Variants in KIAA1217 observed in about 807,000 individuals in gnomAD.
The protein encoded by KIAA1217 is sickle tail protein homolog.
Under a neutral mutation model 163.9 loss-of-function variants are expected in KIAA1217, and 88 were observed. The ratio of observed to expected loss-of-function variants is 0.54; its 90% CI spans 0.45 to 0.64. The LOEUF (loss-of-function observed/expected upper bound fraction) is 0.64. Among genes scored for constraint, KIAA1217 ranks in the 30% least tolerant of loss-of-function variants. The pLI, the probability that KIAA1217 is intolerant of heterozygous loss-of-function variation, is 0.00. For synonymous variants in KIAA1217, 903 were observed against 923.1 expected (o/e 0.98, Z 0.39); for missense variants, 2,372 against 2,475.0 (o/e 0.96, Z 0.88).
chr10:24,402,584 A>T (rs1440831918), intron 3 of KIAA1217, among the ~76,000 whole-genome samples: 1 of 152,074 alleles, frequency 6.6e-6, no homozygotes, highest in Non-Finnish European at 1.5e-5. Context: ...TGACAAAGAA[A>T]AATGAAGTGG....
At chr10:24,288,454 C>T (rs1449754463) in intron 2 of KIAA1217, among the ~76,000 whole-genome samples, 1 of 152,220 alleles carries the variant, frequency 6.6e-6, no homozygotes, top group Non-Finnish European at 1.5e-5. Flanking sequence ...TCAGCAAGCA[C>T]ATTTTACAGA....
chr10:24,035,604 C>T (rs751090044), intron 2 of KIAA1217, among the ~76,000 whole-genome samples: 2 of 152,158 alleles, frequency 1.3e-5, no homozygotes, highest in Non-Finnish European at 2.9e-5. Flanking sequence ...ATGATGGAAA[C>T]CCCAGTTAGA....
chr10:24,220,785 G>A (rs569029183), intron 2 of KIAA1217, among the ~76,000 whole-genome samples: 214 of 143,354 alleles, frequency 1.5e-3, no homozygotes, highest in African/African-American at 5.4e-3. Flanking sequence ...TTTGGAGATG[G>A]GTTATTGCTG....
chr10:23,985,600 A>T (rs1845938581), intron 1 of KIAA1217, among the ~76,000 whole-genome samples: 1 of 152,140 alleles, frequency 6.6e-6, no homozygotes, highest in African/African-American at 2.4e-5. Flanking sequence ...TAGTAGAAGC[A>T]CTACAGAGGC....
At chr10:23,819,510 T>C (rs1006649398) in intron 1 of KIAA1217, among the ~76,000 whole-genome samples, 3 of 152,142 alleles carry the variant, frequency 2.0e-5, no homozygotes, top group African/African-American at 7.2e-5. Flanking sequence ...TGGACTTCTT[T>C]AGGTGACAGA....
At chr10:23,701,142 G>C (rs551079814) in intron 1 of KIAA1217, among the ~76,000 whole-genome samples, 1 of 152,116 alleles carries the variant, frequency 6.6e-6, no homozygotes, top group Non-Finnish European at 1.5e-5. Context: ...TATTATTATG[G>C]TGTCATCTCA....
At chr10:23,790,371 A>ACATATG (rs1835780318) in intron 1 of KIAA1217, among the ~76,000 whole-genome samples, 1 of 72,196 alleles carries the variant, frequency 1.4e-5, no homozygotes, top group Non-Finnish European at 2.6e-5. Context: ...ATATACATAT[A>ACATATG]CATATGTATA....
intron 2 of KIAA1217, among the ~76,000 whole-genome samples, chr10:24,093,906 T>G (rs1377615647): frequency 6.7e-6 from 1 of 150,148 alleles, no homozygotes; most frequent in Non-Finnish European, 1.5e-5. Context: ...CGGTGTTTGG[T>G]TTTTTGTTCT....
intron 2 of KIAA1217, among the ~76,000 whole-genome samples, chr10:24,240,752 A>G (rs1357978727): frequency 6.6e-6 from 1 of 152,100 alleles, no homozygotes; most frequent in Non-Finnish European, 1.5e-5. Flanking sequence ...GATTGTTTTT[A>G]TTGACTGCTG....
chr10:24,509,701 A>G (rs2068839592), intron 9 of KIAA1217, among the ~76,000 whole-genome samples: 1 of 152,222 alleles, frequency 6.6e-6, no homozygotes, highest in Non-Finnish European at 1.5e-5. Flanking sequence ...AAGCCTTACC[A>G]ATAATATAAA....
At chr10:23,883,755 A>T (rs891378231) in intron 1 of KIAA1217, among the ~76,000 whole-genome samples, 1 of 151,836 alleles carries the variant, frequency 6.6e-6, no homozygotes, top group Non-Finnish European at 1.5e-5. Context: ...GCTACCCTAA[A>T]AATCCTTTGT....
chr10:24,493,171 C>T (rs541359333), intron 6 of KIAA1217, among the ~76,000 whole-genome samples: 28 of 152,290 alleles, frequency 1.8e-4, no homozygotes, highest in African/African-American at 4.8e-4. Context: ...TTTCCACTGA[C>T]AATCAGATAA....
At chr10:23,869,165 C>T (rs1187142950) in intron 1 of KIAA1217, among the ~76,000 whole-genome samples, 1 of 89,636 alleles carries the variant, frequency 1.1e-5, no homozygotes, top group Admixed American at 1.6e-4. Flanking sequence ...GCATAAGTAG[C>T]ATATATTTTG....
At chr10:24,150,675 A>T (rs1318642472) in intron 2 of KIAA1217, among the ~76,000 whole-genome samples, 1 of 152,214 alleles carries the variant, frequency 6.6e-6, no homozygotes, top group Non-Finnish European at 1.5e-5. Flanking sequence ...TATGCAGTAA[A>T]ATAGCCAAGG....
intron 2 of KIAA1217, among the ~76,000 whole-genome samples, chr10:24,201,858 G>T (rs2067272557): frequency 6.6e-6 from 1 of 152,202 alleles, no homozygotes; most frequent in African/African-American, 2.4e-5. Flanking sequence ...TCAGGGCAAA[G>T]CAGGGGCTAC....
At chr10:23,956,690 T>A (rs979197268) in intron 1 of KIAA1217, among the ~76,000 whole-genome samples, 1 of 152,122 alleles carries the variant, frequency 6.6e-6, no homozygotes, top group Non-Finnish European at 1.5e-5. Flanking sequence ...CAGCATCTGC[T>A]TCTGGCAAGG....
intron 2 of KIAA1217, among the ~76,000 whole-genome samples, chr10:24,311,728 GGA>G: frequency 6.6e-6 from 1 of 152,102 alleles, no homozygotes; most frequent in African/African-American, 2.4e-5. Flanking sequence ...GGGGCCTGTG[GGA>G]ACTTTTTGTC....
chr10:24,298,113 C>T (rs150237080), intron 2 of KIAA1217, among the ~76,000 whole-genome samples: 363 of 152,194 alleles, frequency 2.4e-3, no homozygotes, highest in African/African-American at 8.6e-3. Context: ...ATTACCATTT[C>T]AATTGAGAGG....
chr10:23,937,155 A>G (rs896941625), intron 1 of KIAA1217, among the ~76,000 whole-genome samples: 4 of 152,182 alleles, frequency 2.6e-5, no homozygotes, highest in African/African-American at 7.2e-5. Flanking sequence ...GATTACAGGC[A>G]TGAGCCACCA....
Sources: gnomAD v4.1 joint callset for allele counts (sites outside exome capture counted in the v4.1 genomes callset) on GRCh38, gnomAD v4.1.1 for gene constraint, MANE v1.5 for transcripts, NCBI Gene and HGNC (gene_info 2026-07-23, HGNC 2026-07-21) for gene names.